Variants in DEPDC1B observed in about 807,000 individuals in gnomAD.
DEPDC1B encodes DEP domain-containing protein 1B.
A neutral mutation model predicts 66.5 loss-of-function variants in DEPDC1B; 51 were observed. The ratio of observed to expected loss-of-function variants is 0.77; its 90% confidence interval spans 0.61 to 0.97. The LOEUF is 0.97. Ranked by LOEUF, DEPDC1B falls within the 50% of genes least tolerant of loss-of-function variation. The pLI is 0.00. For missense variants in DEPDC1B, 552 were observed against 637.1 expected (o/e 0.87, Z 1.44); for synonymous variants, 226 against 223.6 (o/e 1.01, Z -0.10).
intron 7 of DEPDC1B, among the ~76,000 whole-genome samples, chr5:60,632,714 G>A (rs1217663471): frequency 6.6e-6 from 1 of 152,256 alleles, no homozygotes; most frequent in African/African-American, 2.4e-5. Context: ...TGGCAAACTA[G>A]CAGGGGTCCC....
At chr5:60,669,117 A>G (rs917896149) in intron 2 of DEPDC1B, among the ~76,000 whole-genome samples, 3 of 152,262 alleles carry the variant, frequency 2.0e-5, no homozygotes, top group African/African-American at 7.2e-5. Context: ...GAGAAAAGCA[A>G]TTTAAAAATA....
intron 7 of DEPDC1B, among the ~76,000 whole-genome samples, chr5:60,623,259 T>C (rs1267555226): frequency 1.3e-5 from 2 of 152,190 alleles, no homozygotes; most frequent in African/African-American, 2.4e-5. Context: ...CCTTGGCTTC[T>C]TTGCTGAAAA....
At chr5:60,639,692 ACCAAT>A (rs1753143646) in intron 6 of DEPDC1B, among the ~76,000 whole-genome samples, 1 of 152,222 alleles carries the variant, frequency 6.6e-6, no homozygotes, top group Non-Finnish European at 1.5e-5. Context: ...CAACTGCTCC[ACCAAT>A]CCATCCACAG....
intron 2 of DEPDC1B, among the ~76,000 whole-genome samples, chr5:60,648,757 G>A (rs1753378099): frequency 6.6e-6 from 1 of 152,156 alleles, no homozygotes; most frequent in Non-Finnish European, 1.5e-5. Context: ...GTTAAAGATA[G>A]TTTAAAGTTT....
At chr5:60,699,452 A>AAAAAAAAAAAAAAAC (rs1561398832) in intron 1 of DEPDC1B, among the ~76,000 whole-genome samples, 1 of 62,890 alleles carries the variant, frequency 1.6e-5, no homozygotes, top group South Asian at 4.3e-4. Flanking sequence ...AGAAAAAAAA[A>AAAAAAAAAAAAAAAC]AAAAAAAAAA....
chr5:60,682,599 T>TA (rs1754320794), intron 2 of DEPDC1B, among the ~76,000 whole-genome samples: 1 of 152,174 alleles, frequency 6.6e-6, no homozygotes, highest in Non-Finnish European at 1.5e-5. Context: ...TAAATATGTG[T>TA]ATCTTGAGCA....
intron 6 of DEPDC1B, among the ~76,000 whole-genome samples, chr5:60,641,616 G>A (rs1047282234): frequency 8.5e-5 from 13 of 152,110 alleles, no homozygotes; most frequent in African/African-American, 2.4e-4. Context: ...GTGAGCCACC[G>A]CACCTGGCCT....
At position 60,605,781 on chromosome 5, in the gene DEPDC1B, C is replaced by G; in HGVS notation, c.974G>C (p.Arg325Thr). The G allele has an allele frequency of 6.2e-7, 1 of 1,613,604 alleles. No individual in the cohort carries two copies. Among genetic ancestry groups the G allele is most frequent in the Non-Finnish European group, 8.5e-7 (1 of 1,179,780 alleles). The change falls in exon 8 of 11, where the codon AGA becomes ACA. Residue 325 changes from arginine (R) to threonine (T), a missense_variant. Physicochemically the swap from Arg to Thr is moderately conservative, Grantham distance 71. Transcript: ENST00000265036. ...CCLLLPPENR[R>T]KLQLLMRMMA... The stretch of plus-strand genomic sequence containing the variant: ...CATCCTCATCAATAGCTGTAACTTT[C>G]TCCTATTTTCAGGAGGTAGGAGAAG...
intron 6 of DEPDC1B, among the ~76,000 whole-genome samples, chr5:60,641,299 A>G (rs2111862967): frequency 6.6e-6 from 1 of 152,034 alleles, no homozygotes; most frequent in East Asian, 1.9e-4. Context: ...CATATTACAG[A>G]CTAGATTGGT....
intron 2 of DEPDC1B, among the ~76,000 whole-genome samples, chr5:60,677,291 T>TATAGAC (rs1737260088): frequency 1.3e-5 from 1 of 78,504 alleles, no homozygotes; most frequent in Admixed American, 1.4e-4. Flanking sequence ...ATCTTTTTCA[T>TATAGAC]ACAGACACAC....
intron 2 of DEPDC1B, among the ~76,000 whole-genome samples, chr5:60,658,673 G>A (rs1468363485): frequency 6.6e-6 from 1 of 152,184 alleles, no homozygotes; most frequent in African/African-American, 2.4e-5. Flanking sequence ...TAAAGAAATA[G>A]TCAAATCATA....
rs869142199 is a variant in DEPDC1B at position 60,604,218 on chromosome 5, C to CTTTTTT, written c.1066-657_1066-652dup. On this transcript the variant is annotated intron_variant, in intron 8 of 10. Coordinates refer to ENST00000265036, the MANE Select transcript of DEPDC1B (RefSeq NM_018369.3). ...TTCCATAGAATTGAAATTAACTATT[C>CTTTTTT]TTTTTTTTTTTTTTTTTTTTTTTAC... 8.0e-4 allele frequency among the ~76,000 whole-genome samples: 55 copies of CTTTTTT among 68,946 alleles called. 5 individuals are homozygous for CTTTTTT. Among genetic ancestry groups the CTTTTTT allele is most frequent in the African/African-American group, 1.6e-3 (32 of 20,228 alleles). The allele number at this position is 68,946 out of a possible 152,430, so 45.2% of individuals were successfully genotyped here. A position where few individuals can be genotyped will look rare whatever the true frequency, so the allele number is the denominator to read the frequency against.
At chr5:60,605,597 C>T (rs1363566237) in intron 8 of DEPDC1B, 93 bp downstream of exon 8, 11 of 1,412,662 alleles carry the variant, frequency 7.8e-6, no homozygotes, top group Admixed American at 2.2e-5. Context: ...AGCAAGTCTG[C>T]TTTGTACTTC....
At chr5:60,688,411 T>C (rs1754470818) in intron 1 of DEPDC1B, among the ~76,000 whole-genome samples, 1 of 152,100 alleles carries the variant, frequency 6.6e-6, no homozygotes, top group South Asian at 2.1e-4. Context: ...AGGCCTATTC[T>C]ACAACAGACC....
chr5:60,674,293 A>T (rs1754109100), intron 2 of DEPDC1B, among the ~76,000 whole-genome samples: 1 of 152,226 alleles, frequency 6.6e-6, no homozygotes, highest in Non-Finnish European at 1.5e-5. Context: ...CAAAAAGCCT[A>T]AAAAAGGACA....
intron 7 of DEPDC1B, among the ~76,000 whole-genome samples, chr5:60,615,305 C>T (rs1044385318): frequency 2.6e-5 from 4 of 152,112 alleles, no homozygotes; most frequent in African/African-American, 9.7e-5. Context: ...GGGTGCAGGA[C>T]AGTGGGTGCA....
At chr5:60,610,687 G>A (rs1752398347) in intron 7 of DEPDC1B, among the ~76,000 whole-genome samples, 1 of 152,164 alleles carries the variant, frequency 6.6e-6, no homozygotes, top group Admixed American at 6.5e-5. Flanking sequence ...CACATATTAT[G>A]TTTTTGTAAA....
chr5:60,682,422 G>A (rs1303276123), intron 2 of DEPDC1B, among the ~76,000 whole-genome samples: 1 of 152,118 alleles, frequency 6.6e-6, no homozygotes. Flanking sequence ...GTTAAATGAC[G>A]AGTTAATGGG....
intron 7 of DEPDC1B, among the ~76,000 whole-genome samples, chr5:60,609,183 A>T (rs1401646910): frequency 2.0e-5 from 3 of 152,162 alleles, no homozygotes; most frequent in Non-Finnish European, 4.4e-5. Context: ...AGGTAAATTC[A>T]TCTCAGGAAT....
Sources: allele counts gnomAD v4.1 joint callset (sites outside exome capture counted in the v4.1 genomes callset), GRCh38; gene constraint gnomAD v4.1.1; transcripts MANE v1.5; gene names NCBI Gene and HGNC (gene_info 2026-07-23, HGNC 2026-07-21).